The following DDR1 variants were observed in gnomAD, a reference collection of about 807,000 sequenced individuals.
DDR1 encodes the protein discoidin domain receptor tyrosine kinase 1.
In DDR1, 64 loss-of-function variants were observed where a neutral mutation model predicts 97.4. The ratio of observed to expected loss-of-function variants is 0.66; its 90% CI spans 0.54 to 0.81. The LOEUF (loss-of-function observed/expected upper bound fraction) is 0.81. Ranked by LOEUF, DDR1 falls within the 30% of genes least tolerant of loss-of-function variation. The pLI is 0.00. For missense variants in DDR1, 990 were observed against 1,259.6 expected, an observed-to-expected ratio of 0.79 and a Z score of 3.24; for synonymous variants, 458 against 503.7, an observed-to-expected ratio of 0.91 and a Z score of 1.21.
rs200860286 is a variant in DDR1, at chr6:30,895,525, C to G, written c.1624+11C>G. On this transcript the variant is annotated intron_variant, in intron 12 of 17. Transcript: ENST00000376568. ...CCACCAACACCCAGGGTAAGCCCCT[C>G]TGCCCCTGGGCTCCGCCAGGCTCCC... 210 of 1,559,348 alleles carry G rather than the reference C, an allele frequency of 1.3e-4. 1 individual carries two copies. In the African/African-American group the frequency reaches 2.5e-3, roughly 19 times the overall value.
At chr6:30,895,123 C>T (rs1790230819) in intron 11 of DDR1, among the ~76,000 whole-genome samples, 1 of 152,088 alleles carries the variant, frequency 6.6e-6, no homozygotes, top group African/African-American at 2.4e-5. Context: ...ATCCATCATC[C>T]ATCTATCCAT....
Position 30,892,540 on chromosome 6 carries a change from C to T in DDR1, c.1097C>T (p.Ser366Phe). Reference protein sequence around the residue: ...WLLFSEISFISDVVNNSSPAL... With the variant: ...WLLFSEISFIFDVVNNSSPAL... ...CTCTTCAGCGAAATCTCCTTCATCT[C>T]TGGTAAGCCCTGGAGTAGCCCAGTC... The change falls in exon 8 of 18, where the codon TCT becomes TTT. Residue 366 changes from serine to phenylalanine, a missense_variant and splice_region_variant. Transcript: ENST00000376568. 1 of 1,583,608 alleles carries T rather than the reference C, an allele frequency of 6.3e-7. No homozygotes were observed. Among genetic ancestry groups the T allele is most frequent in the Non-Finnish European group, 8.6e-7 (1 of 1,162,428 alleles).
At chr6:30,893,563 A>C in intron 10 of DDR1, 140 bp downstream of exon 10, 1 of 1,437,010 alleles carries the variant, frequency 7.0e-7, no homozygotes, top group Non-Finnish European at 9.1e-7. Flanking sequence ...CACCATGTCA[A>C]AGAGGGTATG....
intron 12 of DDR1, among the ~76,000 whole-genome samples, chr6:30,895,881 G>A (rs980706325): frequency 6.6e-6 from 1 of 152,002 alleles, no homozygotes; most frequent in Admixed American, 6.6e-5. Flanking sequence ...CTCTCACCCC[G>A]GGCGCTTGCC....
Position 30,891,347 on chromosome 6 carries a change from G to T in DDR1, c.566-33G>T. 6.4e-7 allele frequency: 1 copy of T among 1,567,528 alleles called. No homozygotes were observed. The highest frequency in any genetic ancestry group is 8.8e-7 in the Non-Finnish European group (1 of 1,140,984). On this transcript the variant is annotated intron_variant, in intron 5 of 17. Transcript: ENST00000376568. This position sits in a 1 kb window ranked among gnomAD's most constrained non-coding sequence, Gnocchi z 5.3. ...CAGGGATGGGGGATGGAGCCTTAGT[G>T]CCTCTGACCCCCATCCTCTCACCCT...
At position 30,899,450 on chromosome 6, in the gene DDR1, C is replaced by A; in HGVS notation, c.*154C>A. 2.2e-6 allele frequency: 2 copies of A among 920,166 alleles called. No individual in the cohort carries two copies. Among genetic ancestry groups the A allele is most frequent in the Non-Finnish European group, 3.2e-6 (2 of 631,236 alleles). The allele number at this position is 920,166 out of a possible 1,614,324, so 57.0% of individuals were successfully genotyped here. ...AGACTGCAGGTGGGCTGGGCCCACCCAGGGAGCTGATGCCCCTTCTCCCCT... is the reference window on the plus strand; with the variant it reads ...AGACTGCAGGTGGGCTGGGCCCACCAAGGGAGCTGATGCCCCTTCTCCCCT... On this transcript the variant is annotated 3_prime_UTR_variant, in exon 18 of 18. Transcript: ENST00000376568.
At position 30,894,422 on chromosome 6, in the gene DDR1, G is replaced by T; in HGVS notation, c.1348-84G>T. On this transcript the variant is annotated intron_variant, in intron 10 of 17. Coordinates refer to ENST00000376568, the MANE Select transcript of DDR1 (RefSeq NM_001297654.2). This position sits in a 1 kb window ranked among gnomAD's most constrained non-coding sequence, Gnocchi z 5.7. ...TGTAGGGCTCTTGTGAGGGCTGAGG[G>T]AGGGAACGCAGGGATGGACACAGCA... The T allele has an allele frequency of 2.2e-6, 3 of 1,377,304 alleles. No individual in the cohort carries two copies. Among genetic ancestry groups the T allele is most frequent in the Non-Finnish European group, 2.9e-6 (3 of 1,023,360 alleles). 85.3% of individuals were successfully genotyped at this position (1,377,304 alleles called of 1,614,324 possible).
intron 8 of DDR1, chr6:30,892,865 C>T: frequency 3.3e-6 from 2 of 602,150 alleles, no homozygotes; most frequent in Non-Finnish European, 5.8e-6. Context: ...TCCTCCACCT[C>T]CCCACAATCC....
rs34331231 is a variant in DDR1 at position 30,897,150 on chromosome 6, C to T, written c.1997+9C>T. ...GCCACCAAGAATGCCAGGTGAGGAC[C>T]AGGGATGGCATCTGGAAGAAGGGAG... On this transcript the variant is annotated intron_variant, in intron 14 of 17. Transcript: ENST00000376568. This position sits in a 1 kb window ranked among gnomAD's most constrained non-coding sequence, Gnocchi z 5.2. 89,901 of 1,613,002 alleles carry T rather than the reference C, an allele frequency of 0.056. 2,970 individuals carry two copies. Among genetic ancestry groups the T allele is most frequent in the South Asian group, 0.091 (8,254 of 90,914 alleles).
rs1261998226 is a variant in DDR1 at position 30,890,606 on chromosome 6, CAG to C, written c.418-364_418-363del. On this transcript the variant is annotated intron_variant, in intron 4 of 17. Transcript: ENST00000376568. This position sits in a 1 kb window ranked among gnomAD's most constrained non-coding sequence, Gnocchi z 5.0. ...ACTCAGCCAACTTCTGCTGAATGAA[CAG>C]AGGGAATGGGCTGAAATGAAGGGGA... 9.0e-6 allele frequency: 2 copies of C among 222,952 alleles called. No individual in the cohort carries two copies. Among genetic ancestry groups the C allele is most frequent in the Non-Finnish European group, 1.7e-5 (2 of 115,426 alleles). 13.8% of individuals were successfully genotyped at this position (222,952 alleles called of 1,614,324 possible).
chr6:30,889,023 C>T lies in DDR1; in HGVS notation c.188+13C>T, dbSNP rs1786951041. The stretch of plus-strand genomic sequence containing the variant: ...CCCGCCACAGCAGGTACTTGGCACA[C>T]CTGGCACACTTGTAGCTGCCCCGAG... On this transcript the variant is annotated intron_variant, in intron 3 of 17. Coordinates refer to ENST00000376568, the MANE Select transcript of DDR1 (RefSeq NM_001297654.2). This position sits in a 1 kb window ranked among gnomAD's most constrained non-coding sequence, Gnocchi z 4.9. The T allele has an allele frequency of 3.7e-6, 6 of 1,612,570 alleles. No homozygotes were observed. In the East Asian group the frequency reaches 1.3e-4, roughly 36 times the overall value.
At chr6:30,896,598 C>T in intron 12 of DDR1, 23 bp from the exon 13 acceptor site, 1 of 1,605,288 alleles carries the variant, frequency 6.2e-7, no homozygotes, top group Non-Finnish European at 8.5e-7. Context: ...CTCGTCCTGT[C>T]TTCTTTCCCC....
intron 8 of DDR1, 29 bp downstream of exon 8, chr6:30,892,571 T>G: frequency 6.5e-7 from 1 of 1,531,156 alleles, no homozygotes; most frequent in Non-Finnish European, 8.8e-7. Context: ...CAGTCTCCAG[T>G]CCCTGAAATT....
At chr6:30,893,040 C>T (rs756723773) in intron 8 of DDR1, 28 bp from the exon 9 acceptor site, 122 of 1,592,376 alleles carry the variant, frequency 7.7e-5, no homozygotes, top group Non-Finnish European at 9.4e-5. Flanking sequence ...ATTTACCTCC[C>T]TCCTTTCTTT....
chr6:30,898,250 T>G lies in DDR1; in HGVS notation c.2394T>G (p.Arg798=). 1.2e-6 allele frequency: 2 copies of G among 1,614,216 alleles called. No homozygotes were observed. Among genetic ancestry groups the G allele is most frequent in the Non-Finnish European group, 1.7e-6 (2 of 1,180,034 alleles). The change falls in exon 16 of 18, where the codon CGT becomes CGG. Residue 798 remains arginine, a synonymous_variant. Coordinates refer to ENST00000376568, the MANE Select transcript of DDR1 (RefSeq NM_001297654.2). Reference sequence around the variant, plus strand: ...ACCTCTATGCTGGGGACTATTACCGTGTGCAGGGCCGGGCAGTGCTGCCCA... The same window carrying G: ...ACCTCTATGCTGGGGACTATTACCGGGTGCAGGGCCGGGCAGTGCTGCCCA... The part of the protein sequence containing the change: ...SRNLYAGDYY[R]VQGRAVLPIR...
Position 30,891,220 on chromosome 6 carries a change from A to G in DDR1, c.565+100A>G. 6.5e-7 allele frequency: 1 copy of G among 1,542,150 alleles called. No individual in the cohort carries two copies. Among genetic ancestry groups the G allele is most frequent in the Non-Finnish European group, 8.8e-7 (1 of 1,133,024 alleles). ...TCCAGGATCCCTTCTCCTGCTGGGA[A>G]GCTGTCACTCTGAGGAGGGGGCTAG... On this transcript the variant is annotated intron_variant, in intron 5 of 17. Transcript: ENST00000376568. The surrounding 1 kb of genome is among the most constrained non-coding windows in gnomAD (Gnocchi z 5.3).
At chr6:30,893,542 G>A (rs2150377745) in intron 10 of DDR1, 119 bp downstream of exon 10, 1 of 1,456,826 alleles carries the variant, frequency 6.9e-7, no homozygotes, top group East Asian at 2.5e-5. Flanking sequence ...GCTTAGTAAA[G>A]AGACCACTTA....
Position 30,893,317 on chromosome 6 carries a change from G to C in DDR1, c.1241G>C (p.Ser414Thr). ...CAGCCCGTGGCCAAGGCCGAGGGGAGCCCGACCGCCATCCTCATCGGCTGC... is the reference window on the plus strand; with the variant it reads ...CAGCCCGTGGCCAAGGCCGAGGGGACCCCGACCGCCATCCTCATCGGCTGC... ...GQQPVAKAEG[S>T]PTAILIGCLV... Residue 414 changes from serine (S) to threonine (T), a missense_variant, in exon 10 of 18, where the codon AGC becomes ACC. By Grantham distance (58) the Ser-to-Thr change is moderately conservative (BLOSUM62 1). Transcript: ENST00000376568. 1 of 1,606,596 alleles carries C rather than the reference G, an allele frequency of 6.2e-7. No individual in the cohort carries two copies. Among genetic ancestry groups the C allele is most frequent in the Non-Finnish European group, 8.5e-7 (1 of 1,179,720 alleles).
At chr6:30,892,669 A>C in intron 8 of DDR1, 127 bp downstream of exon 8, 1 of 1,306,138 alleles carries the variant, frequency 7.7e-7, no homozygotes, top group Non-Finnish European at 1.0e-6. Context: ...GAAACTTCTC[A>C]ATTAGGGGTG....
Sources: gnomAD v4.1 joint callset for allele counts (sites outside exome capture counted in the v4.1 genomes callset) on GRCh38, gnomAD v4.1.1 for gene constraint, Gnocchi (gnomAD v3.1) non-coding constraint, MANE v1.5 for transcripts, NCBI Gene and HGNC (gene_info 2026-07-23, HGNC 2026-07-21) for gene names.